The following BCKDHB variants were observed in gnomAD, a reference collection of about 807,000 sequenced individuals.
The protein encoded by BCKDHB is branched chain keto acid dehydrogenase E1 subunit beta.
BCKDHB carries 41 observed loss-of-function variants against 48.5 expected under a neutral mutation model. The observed-to-expected ratio is 0.85, with a 90% CI of 0.66 to 1.10. The LOEUF (loss-of-function observed/expected upper bound fraction) is 1.10. BCKDHB is among the 50% of genes least tolerant of loss of function. BCKDHB has a pLI of 0.00. For synonymous variants in BCKDHB, 201 were observed against 174.8 expected (o/e 1.15, Z -1.18); for missense variants, 496 against 494.2 (o/e 1.00, Z -0.03).
At position 80,127,601 on chromosome 6, in the gene BCKDHB, C is replaced by A; in HGVS notation, c.251C>A (p.Ser84Ter). 1 of 1,613,232 alleles carries A rather than the reference C, an allele frequency of 6.2e-7. No homozygotes were observed. Among genetic ancestry groups the A allele is most frequent in the Non-Finnish European group, 8.5e-7 (1 of 1,179,402 alleles). Residue 84 changes from serine to a stop codon, truncating the protein, a stop_gained, in exon 2 of 10, where the codon TCA becomes TAA. Coordinates refer to ENST00000320393, the MANE Select transcript of BCKDHB (RefSeq NM_183050.4). LOFTEE classifies it high-confidence loss of function. The part of the protein sequence containing the change: ...FQSVTSALDN[S>*]LAKDPTAVIF... ...TCTGTAACAAGTGCCTTGGATAACT[C>A]ATTGGCCAAAGATCCTACTGCAGGT...
chr6:80,276,970 A>G (rs1777991645), intron 9 of BCKDHB, among the ~76,000 whole-genome samples: 1 of 152,006 alleles, frequency 6.6e-6, no homozygotes, highest in South Asian at 2.1e-4. Context: ...GGTCTGGTAT[A>G]TTTGGCCCCA....
chr6:80,354,691 C>T, the BCKDHB span, among the ~76,000 whole-genome samples: 143 of 152,188 alleles, frequency 9.4e-4, no homozygotes, highest in African/African-American at 3.4e-3. Context: ...TTTTTGTATA[C>T]AGTGATAGGA....
chr6:80,299,194 G>C (rs553004772), intron 9 of BCKDHB, among the ~76,000 whole-genome samples: 78 of 152,170 alleles, frequency 5.1e-4, no homozygotes, highest in Admixed American at 9.2e-4. Context: ...TCTGTCTTAG[G>C]AGAGACTCTT....
At chr6:80,152,895 G>A (rs952232436) in intron 3 of BCKDHB, among the ~76,000 whole-genome samples, 18 of 152,148 alleles carry the variant, frequency 1.2e-4, no homozygotes, top group Non-Finnish European at 2.5e-4. Flanking sequence ...GACCCTTGAG[G>A]GGGCTAGTGT....
At chr6:80,320,446 T>C (rs544275402) in intron 9 of BCKDHB, among the ~76,000 whole-genome samples, 3 of 152,316 alleles carry the variant, frequency 2.0e-5, no homozygotes, top group Admixed American at 6.5e-5. Context: ...TGTAGTGTTT[T>C]TCATGTTTGC....
chr6:80,380,787 T>C, the BCKDHB span, among the ~76,000 whole-genome samples: 20 of 152,022 alleles, frequency 1.3e-4, no homozygotes, highest in East Asian at 3.9e-3. Context: ...TGAACAGATG[T>C]TTCTCAAAAA....
chr6:80,185,788 C>G (rs1445170402), intron 6 of BCKDHB, among the ~76,000 whole-genome samples: 2 of 152,146 alleles, frequency 1.3e-5, no homozygotes, highest in African/African-American at 4.8e-5. Context: ...TTCATATCTC[C>G]TAGCTGTGGA....
At position 80,324,784 on chromosome 6, in the gene BCKDHB, T is replaced by C. The variant is rs1315318657; in HGVS notation, c.1039-18880T>C. ...AACTGGGTGACAGAGCATCTCAAAG[T>C]TGACTTCCCTCATGGTGGCCATATG... On this transcript the variant is annotated intron_variant, in intron 9 of 9. Coordinates refer to ENST00000320393, the MANE Select transcript of BCKDHB (RefSeq NM_183050.4). Among the ~76,000 whole-genome samples, 5 of 152,154 alleles carry C rather than the reference T, an allele frequency of 3.3e-5. No individual in the cohort carries two copies. The East Asian group carries it at 9.6e-4, about 29-fold the overall frequency.
intron 9 of BCKDHB, among the ~76,000 whole-genome samples, chr6:80,300,878 A>G (rs755704421): frequency 2.0e-5 from 3 of 152,162 alleles, no homozygotes; most frequent in Admixed American, 6.5e-5. Flanking sequence ...CACAAATACA[A>G]TTAAACAATT....
At chr6:80,170,819 G>C (rs1772877003) in intron 5 of BCKDHB, among the ~76,000 whole-genome samples, 1 of 152,116 alleles carries the variant, frequency 6.6e-6, no homozygotes, top group Non-Finnish European at 1.5e-5. Context: ...TTTCACTTAT[G>C]AAATGAAGAC....
the BCKDHB span, among the ~76,000 whole-genome samples, chr6:80,401,094 G>T: frequency 6.8e-6 from 1 of 146,892 alleles, no homozygotes; most frequent in African/African-American, 2.7e-5. Context: ...GAGAAGATAA[G>T]AAAAAATAGT....
At chr6:80,288,511 G>A (rs1766741431) in intron 9 of BCKDHB, among the ~76,000 whole-genome samples, 1 of 151,782 alleles carries the variant, frequency 6.6e-6, no homozygotes, top group Non-Finnish European at 1.5e-5. Flanking sequence ...TAGAAAACAG[G>A]GATTTAGAAG....
chr6:80,264,423 C>G (rs1716025291), intron 8 of BCKDHB, among the ~76,000 whole-genome samples: 1 of 152,246 alleles, frequency 6.6e-6, no homozygotes, highest in South Asian at 2.1e-4. Context: ...TATTTATCTC[C>G]TAATTACTGG....
intron 7 of BCKDHB, among the ~76,000 whole-genome samples, chr6:80,201,265 A>G (rs1422125544): frequency 6.6e-6 from 1 of 152,164 alleles, no homozygotes; most frequent in Non-Finnish European, 1.5e-5. Flanking sequence ...ACATTGTGAA[A>G]TGATTGCCAT....
the BCKDHB span, among the ~76,000 whole-genome samples, chr6:80,420,891 C>G: frequency 6.6e-6 from 1 of 152,236 alleles, no homozygotes; most frequent in Non-Finnish European, 1.5e-5. Flanking sequence ...CCAAAGTGAT[C>G]TCTCTTAGAA....
the BCKDHB span, among the ~76,000 whole-genome samples, chr6:80,398,279 A>G: frequency 6.6e-6 from 1 of 152,124 alleles, no homozygotes; most frequent in Non-Finnish European, 1.5e-5. Flanking sequence ...CAAAAGTACA[A>G]TGAATCCTAG....
the BCKDHB span, among the ~76,000 whole-genome samples, chr6:80,360,753 C>T: frequency 6.6e-6 from 1 of 151,954 alleles, no homozygotes; most frequent in African/African-American, 2.4e-5. Flanking sequence ...TGCCTGTAAT[C>T]CCAGCACTTT....
the BCKDHB span, among the ~76,000 whole-genome samples, chr6:80,441,926 A>G: frequency 6.6e-6 from 1 of 152,202 alleles, no homozygotes; most frequent in Non-Finnish European, 1.5e-5. Context: ...ATAAACAATT[A>G]TTCAATTACA....
chr6:80,412,399 G>A, the BCKDHB span, among the ~76,000 whole-genome samples: 78 of 151,884 alleles, frequency 5.1e-4, no homozygotes, highest in Middle Eastern at 3.4e-3. Context: ...CACCTGTCTC[G>A]GCCTCCCAGA....
Sources: allele counts gnomAD v4.1 joint callset (sites outside exome capture counted in the v4.1 genomes callset), GRCh38; gene constraint gnomAD v4.1.1; transcripts MANE v1.5; gene names NCBI Gene and HGNC (gene_info 2026-07-23, HGNC 2026-07-21).